The following DPP8 variants were observed in gnomAD, a reference collection of about 807,000 sequenced individuals.
DPP8 encodes the protein dipeptidyl peptidase 8, also known as DPP VIII.
A neutral mutation model predicts 107.5 loss-of-function variants in DPP8; 31 were observed. That is an observed-to-expected ratio of 0.29 (90% CI 0.22 to 0.39). The LOEUF (loss-of-function observed/expected upper bound fraction) is 0.39, where lower values mean the gene tolerates loss of function less well. Ranked by LOEUF, DPP8 falls within the 10% of genes least tolerant of loss-of-function variation. The probability of loss-of-function intolerance (pLI) is 1.00; values close to 1 mark genes in which losing one functional copy is unlikely to be tolerated. For missense variants in DPP8, 842 were observed against 1,076.1 expected, an observed-to-expected ratio of 0.78 and a Z score of 3.04; for synonymous variants, 381 against 356.6, an observed-to-expected ratio of 1.07 and a Z score of -0.77.
intron 3 of DPP8, among the ~76,000 whole-genome samples, chr15:65,507,031 CA>C (rs1390648835): frequency 6.6e-6 from 1 of 152,042 alleles, no homozygotes; most frequent in Non-Finnish European, 1.5e-5. Flanking sequence ...TGCAGTTAAA[CA>C]GGGAGAAAGC....
chr15:65,483,072 G>A (rs1205867539), intron 8 of DPP8, among the ~76,000 whole-genome samples: 2 of 151,868 alleles, frequency 1.3e-5, no homozygotes, highest in Non-Finnish European at 2.9e-5. Flanking sequence ...ACTCCAGCCT[G>A]GGGGACACAG....
At chr15:65,510,538 CT>C (rs11386408) in intron 2 of DPP8, among the ~76,000 whole-genome samples, 21 of 149,930 alleles carry the variant, frequency 1.4e-4, no homozygotes, top group African/African-American at 4.4e-4. Context: ...ATACAAATGG[CT>C]TTTTTTTTTC....
intron 11 of DPP8, chr15:65,475,399 G>C (rs2066290527): frequency 5.8e-6 from 9 of 1,557,634 alleles, no homozygotes; most frequent in Non-Finnish European, 7.0e-6. Context: ...CCACTGTGAG[G>C]GGTACAGCTT....
chr15:65,510,870 C>T (rs1469253513), intron 2 of DPP8, among the ~76,000 whole-genome samples: 4 of 152,120 alleles, frequency 2.6e-5, no homozygotes, highest in Non-Finnish European at 2.9e-5. Flanking sequence ...TGAAATGATG[C>T]TCAACCTCAC....
intron 15 of DPP8, among the ~76,000 whole-genome samples, chr15:65,462,670 C>A (rs111942471): frequency 2.6e-5 from 4 of 152,078 alleles, no homozygotes; most frequent in African/African-American, 9.7e-5. Flanking sequence ...ACCTCTGACT[C>A]CCTGGTTCAA....
In DPP8 at chr15:65,466,705, A is replaced by G. The variant is rs1362479481; in HGVS notation, c.1798T>C (p.Phe600Leu). ...GCTGAATCCAAAATGGTGGCCCAAA[A>G]TTCCTTTGTTTTGCAAGTTGGGTCA... ...EDDPTCKTKE[F>L]WATILDSAGP... Residue 600 changes from phenylalanine (F) to leucine (L), a missense_variant, in exon 14 of 20, where the codon TTT becomes CTT. Physicochemically the swap from Phe to Leu is conservative, Grantham distance 22. Around this residue, in one of 2 missense-constraint regions of DPP8, gnomAD observed 663 missense variants for 758.0 expected, o/e 0.87. Transcript: ENST00000300141. 6.2e-7 allele frequency: 1 copy of G among 1,614,122 alleles called. No individual in the cohort carries two copies.
intron 8 of DPP8, among the ~76,000 whole-genome samples, chr15:65,484,629 C>T (rs1024365779): frequency 3.4e-5 from 5 of 148,798 alleles, no homozygotes; most frequent in South Asian, 2.1e-4. Flanking sequence ...CTCTTTCTTT[C>T]GCCTGTTAAA....
intron 3 of DPP8, 47 bp downstream of exon 3, chr15:65,507,196 T>C (rs2070142213): frequency 9.2e-7 from 1 of 1,091,076 alleles, no homozygotes. Context: ...AAATGCAGTA[T>C]CTGAATACAT....
intron 11 of DPP8, among the ~76,000 whole-genome samples, chr15:65,474,945 G>C (rs2066247989): frequency 6.6e-6 from 1 of 152,050 alleles, no homozygotes; most frequent in East Asian, 1.9e-4. Flanking sequence ...AAACTCAAAA[G>C]CACCTGCATT....
intron 17 of DPP8, among the ~76,000 whole-genome samples, chr15:65,453,179 C>T (rs1188325466): frequency 2.6e-5 from 4 of 152,192 alleles, no homozygotes; most frequent in African/African-American, 9.6e-5. Flanking sequence ...TCATTCAACA[C>T]ATTTATTGAG....
chr15:65,504,539 G>A (rs1050183407), intron 3 of DPP8, among the ~76,000 whole-genome samples: 3 of 146,208 alleles, frequency 2.1e-5, no homozygotes, highest in Non-Finnish European at 4.5e-5. Flanking sequence ...GCCTGGTGGC[G>A]CACGCTATAG....
intron 10 of DPP8, among the ~76,000 whole-genome samples, chr15:65,479,850 C>CA (rs56303808): frequency 0.011 from 739 of 66,560 alleles, 17 homozygotes; most frequent in Non-Finnish European, 0.016. Flanking sequence ...GACTCCGTCT[C>CA]AAAAAAAAAA....
At chr15:65,507,435 CT>C (rs2070191030) in intron 2 of DPP8, 80 bp from the exon 3 acceptor site, 1 of 791,386 alleles carries the variant, frequency 1.3e-6, no homozygotes, top group Non-Finnish European at 2.1e-6. Context: ...TACATAATGC[CT>C]TCTATACACT....
intron 3 of DPP8, among the ~76,000 whole-genome samples, chr15:65,503,091 T>C (rs900334062): frequency 1.3e-5 from 2 of 152,144 alleles, no homozygotes; most frequent in African/African-American, 4.8e-5. Context: ...CAAAACAATC[T>C]TGAAACACCA....
intron 12 of DPP8, among the ~76,000 whole-genome samples, chr15:65,468,280 A>G (rs1490546170): frequency 2.0e-5 from 3 of 152,104 alleles, no homozygotes; most frequent in Admixed American, 6.6e-5. Context: ...GGATCGTTTG[A>G]GCTTAGGAGT....
At chr15:65,486,405 A>G (rs981072464) in intron 7 of DPP8, among the ~76,000 whole-genome samples, 6 of 151,962 alleles carry the variant, frequency 3.9e-5, no homozygotes, top group Non-Finnish European at 8.8e-5. Context: ...AAAAACAAAA[A>G]CAAAAAACAA....
At position 65,455,885 on chromosome 15, in the gene DPP8, T is replaced by C. The variant is rs886667092; in HGVS notation, c.2118+340A>G. On this transcript the variant is annotated intron_variant, in intron 16 of 19. Coordinates refer to ENST00000300141, the MANE Select transcript of DPP8 (RefSeq NM_130434.5). Reference sequence around the variant, plus strand: ...TTGTCACAAGGAAGGCACTAACCAGTTGGATTCCCTCTTCACAGAGGACAG... The same window carrying C: ...TTGTCACAAGGAAGGCACTAACCAGCTGGATTCCCTCTTCACAGAGGACAG... 7 of 1,253,050 alleles carry C rather than the reference T, an allele frequency of 5.6e-6. No individual in the cohort carries two copies. The Admixed American group carries it at 1.2e-4, about 21-fold the overall frequency. 77.6% of individuals were successfully genotyped at this position (1,253,050 alleles called of 1,614,324 possible). A position where few individuals can be genotyped will look rare whatever the true frequency, so the allele number is the denominator to read the frequency against.
At chr15:65,454,698 T>C (rs1200400172) in intron 16 of DPP8, among the ~76,000 whole-genome samples, 2 of 152,118 alleles carry the variant, frequency 1.3e-5, no homozygotes, top group East Asian at 1.9e-4. Context: ...AGCTAATTTT[T>C]GTATTTTTTA....
intron 12 of DPP8, among the ~76,000 whole-genome samples, chr15:65,473,935 C>CTA (rs1567191000): frequency 6.6e-6 from 1 of 152,022 alleles, no homozygotes; most frequent in Non-Finnish European, 1.5e-5. Flanking sequence ...AACCCCGTGT[C>CTA]TACTAAAGAT....
Sources: allele counts gnomAD v4.1 joint callset (sites outside exome capture counted in the v4.1 genomes callset), GRCh38; gene constraint gnomAD v4.1.1; regional missense constraint gnomAD v4.1.1; transcripts MANE v1.5; gene names NCBI Gene and HGNC (gene_info 2026-07-23, HGNC 2026-07-21).